Variants in THSD7A observed in about 807,000 individuals in gnomAD.
THSD7A encodes the protein thrombospondin type 1 domain containing 7A, also known as thrombospondin type-1 domain-containing protein 7A.
Under a neutral mutation model 231.3 loss-of-function variants are expected in THSD7A, and 96 were observed. The ratio of observed to expected loss-of-function variants is 0.41; its 90% CI spans 0.35 to 0.49. THSD7A has a LOEUF of 0.49. THSD7A is among the 20% of genes least tolerant of loss of function. THSD7A has a pLI of 0.05. For missense variants in THSD7A, 2,290 were observed against 2,070.2 expected (o/e 1.11, Z -2.06); for synonymous variants, 940 against 743.3 (o/e 1.26, Z -4.30).
At chr7:11,629,235 G>T (rs947702411) in intron 2 of THSD7A, among the ~76,000 whole-genome samples, 9 of 152,156 alleles carry the variant, frequency 5.9e-5, no homozygotes, top group African/African-American at 2.2e-4. Flanking sequence ...GAGCAGGATG[G>T]GGAAGAGGTG....
intron 16 of THSD7A, among the ~76,000 whole-genome samples, chr7:11,418,892 T>C (rs544915243): frequency 9.2e-5 from 14 of 152,172 alleles, no homozygotes; most frequent in African/African-American, 3.4e-4. Context: ...GATATTGATA[T>C]GATTTCCTTG....
chr7:11,374,614 A>C lies in THSD7A; in HGVS notation c.*1180T>G, dbSNP rs1032721805. 1.4e-5 allele frequency: 1 copy of C among 71,818 alleles called. No homozygotes were observed. Among genetic ancestry groups the C allele is most frequent in the Admixed American group, 1.3e-4 (1 of 7,764 alleles). 4.4% of individuals were successfully genotyped at this position (71,818 alleles called of 1,614,324 possible). On this transcript the variant is annotated 3_prime_UTR_variant, in exon 28 of 28. Transcript: ENST00000423059. ...TCTGCTCAAAATTAAAAAGACATCC[A>C]GTTCCTTTTTCTTTTTTTTTCTTAA...
intron 2 of THSD7A, among the ~76,000 whole-genome samples, chr7:11,623,768 A>G (rs930717030): frequency 6.6e-6 from 1 of 152,190 alleles, no homozygotes; most frequent in African/African-American, 2.4e-5. Context: ...AACAAGGAAT[A>G]GAAGAGAACC....
At chr7:11,462,234 A>C (rs945260421) in intron 9 of THSD7A, 91 bp from the exon 10 acceptor site, 1 of 1,409,022 alleles carries the variant, frequency 7.1e-7, no homozygotes, top group African/African-American at 1.4e-5. Flanking sequence ...CATTGCCTCC[A>C]GCTACATGTG....
chr7:11,649,102 A>G (rs2128367640), intron 1 of THSD7A, among the ~76,000 whole-genome samples: 1 of 152,160 alleles, frequency 6.6e-6, no homozygotes, highest in Middle Eastern at 3.4e-3. Flanking sequence ...AGATTATGAA[A>G]GATATGTGGC....
intron 1 of THSD7A, among the ~76,000 whole-genome samples, chr7:11,813,576 G>T (rs1394535343): frequency 6.6e-6 from 1 of 151,918 alleles, no homozygotes; most frequent in Non-Finnish European, 1.5e-5. Context: ...AACTGGGCAT[G>T]GTGGCACACG....
At position 11,590,667 on chromosome 7, in the gene THSD7A, G is replaced by A. The variant is rs759484104; in HGVS notation, c.1272-26C>T. On this transcript the variant is annotated intron_variant, in intron 3 of 27. Coordinates refer to ENST00000423059, the MANE Select transcript of THSD7A (RefSeq NM_015204.3). This position sits in a 1 kb window ranked among gnomAD's most constrained non-coding sequence, Gnocchi z 4.4. ...CTAAATAAAGACAACACCACCAGCA[G>A]CAACCATAATTATTGAATGACGTGT... is the stretch of plus-strand genomic sequence containing the variant. 2 of 1,573,046 alleles carry A rather than the reference G, an allele frequency of 1.3e-6. No homozygotes were observed. Among genetic ancestry groups the A allele is most frequent in the Non-Finnish European group, 1.7e-6 (2 of 1,160,102 alleles).
intron 2 of THSD7A, among the ~76,000 whole-genome samples, chr7:11,633,230 C>A (rs960770302): frequency 1.2e-4 from 19 of 152,118 alleles, no homozygotes; most frequent in African/African-American, 4.6e-4. Context: ...TACTTTCATA[C>A]CATCTCTTGG....
chr7:11,778,025 C>G (rs574456422), intron 1 of THSD7A, among the ~76,000 whole-genome samples: 2 of 148,274 alleles, frequency 1.3e-5, no homozygotes, highest in African/African-American at 4.9e-5. Context: ...GGCGTAGTGG[C>G]GGGCGCCTGT....
rs1323370389 is a variant in THSD7A at position 11,441,391 on chromosome 7, G to T, written c.3064+4670C>A. ...TCCTTTCCATTTAAATAGAAATCTT[G>T]TATACATGTACCTTGCATAAGCTGG... is the stretch of plus-strand genomic sequence containing the variant. On this transcript the variant is annotated intron_variant, in intron 13 of 27. Transcript: ENST00000423059. Among the ~76,000 whole-genome samples, 4 of 151,984 alleles carry T rather than the reference G, an allele frequency of 2.6e-5. No individual in the cohort carries two copies. In the East Asian group the frequency reaches 7.8e-4, roughly 29 times the overall value.
intron 4 of THSD7A, among the ~76,000 whole-genome samples, chr7:11,579,330 A>G (rs572087307): frequency 3.9e-4 from 60 of 152,270 alleles, no homozygotes; most frequent in African/African-American, 1.4e-3. Flanking sequence ...CCTAGCCACA[A>G]ACCATTTCTT....
chr7:11,561,194 T>C (rs1402835276), intron 4 of THSD7A, among the ~76,000 whole-genome samples: 3 of 152,186 alleles, frequency 2.0e-5, no homozygotes, highest in Admixed American at 2.0e-4. Context: ...TTCAATAATA[T>C]ATGTCTAGCT....
intron 4 of THSD7A, among the ~76,000 whole-genome samples, chr7:11,583,761 C>T (rs1791273257): frequency 6.6e-6 from 1 of 152,044 alleles, no homozygotes; most frequent in South Asian, 2.1e-4. Flanking sequence ...AGAGTTTTTG[C>T]ATTTGTTTAT....
intron 1 of THSD7A, among the ~76,000 whole-genome samples, chr7:11,805,813 C>T (rs773792682): frequency 6.6e-6 from 1 of 151,906 alleles, no homozygotes; most frequent in Non-Finnish European, 1.5e-5. Context: ...ATTTAAAATG[C>T]CAAAATATTT....
intron 23 of THSD7A, among the ~76,000 whole-genome samples, chr7:11,398,856 G>A (rs1312308809): frequency 1.3e-5 from 2 of 152,130 alleles, no homozygotes; most frequent in Non-Finnish European, 2.9e-5. Flanking sequence ...GCCATTAGAC[G>A]GTAATTGACA....
intron 1 of THSD7A, chr7:11,820,373 TGTC>T (rs1329174902): frequency 1.2e-5 from 15 of 1,250,864 alleles, no homozygotes; most frequent in Non-Finnish European, 1.6e-5. Flanking sequence ...GTCCCACTCT[TGTC>T]GTCTTCAATC....
chr7:11,532,379 G>C (rs1788743822), intron 6 of THSD7A, among the ~76,000 whole-genome samples: 1 of 152,302 alleles, frequency 6.6e-6, no homozygotes, highest in South Asian at 2.1e-4. Context: ...GTAGCAATGA[G>C]ATGCTGCTTT....
chr7:11,576,793 C>G (rs573032512), intron 4 of THSD7A, among the ~76,000 whole-genome samples: 1 of 152,258 alleles, frequency 6.6e-6, no homozygotes, highest in African/African-American at 2.4e-5. Context: ...TTATACTTTT[C>G]CCTTCAATTT....
intron 1 of THSD7A, among the ~76,000 whole-genome samples, chr7:11,760,200 A>C (rs1362695433): frequency 6.6e-6 from 1 of 152,108 alleles, no homozygotes; most frequent in Non-Finnish European, 1.5e-5. Flanking sequence ...CCAAACTGGA[A>C]GATTCAAAAA....
Sources: allele counts gnomAD v4.1 joint callset (sites outside exome capture counted in the v4.1 genomes callset), GRCh38; gene constraint gnomAD v4.1.1; non-coding constraint Gnocchi (gnomAD v3.1); transcripts MANE v1.5; gene names NCBI Gene and HGNC (gene_info 2026-07-23, HGNC 2026-07-21).